The following ZNF585A variants were observed in gnomAD, a reference collection of about 807,000 sequenced individuals.
ZNF585A encodes zinc finger protein 585A.
ZNF585A carries 9 observed loss-of-function variants against 14.9 expected under a neutral mutation model. The ratio of observed to expected loss-of-function variants is 0.60; its 90% confidence interval spans 0.36 to 1.05. ZNF585A has a LOEUF of 1.05. Ranked by LOEUF, ZNF585A falls within the 50% of genes least tolerant of loss-of-function variation. The probability of loss-of-function intolerance (pLI) is 0.01; values close to 1 mark genes in which losing one functional copy is unlikely to be tolerated. For missense variants in ZNF585A, 726 were observed against 926.4 expected (o/e 0.78, Z 2.81); for synonymous variants, 276 against 319.9 (o/e 0.86, Z 1.46).
At position 37,152,645 on chromosome 19, in the gene ZNF585A, G is replaced by C; in HGVS notation, c.1254C>G (p.Ala418=). The C allele has an allele frequency of 6.2e-7, 1 of 1,614,004 alleles. No individual in the cohort carries two copies. The highest frequency in any genetic ancestry group is 8.5e-7 in the Non-Finnish European group (1 of 1,179,944). ...KSYICMKCGL[A]FIQKAHLIAH... is the part of the protein sequence containing the mutation. ...CAATCAAGTGTGCCTTCTGAATGAAGGCCAGTCCACATTTCATGCATATAT... is the reference window on the plus strand; with the variant it reads ...CAATCAAGTGTGCCTTCTGAATGAACGCCAGTCCACATTTCATGCATATAT... The change falls in exon 5 of 5, where the codon GCC becomes GCG. Residue 418 remains alanine, a synonymous_variant. Transcript: ENST00000292841.
chr19:37,162,613 G>T (rs969516234), intron 2 of ZNF585A, among the ~76,000 whole-genome samples: 14 of 152,130 alleles, frequency 9.2e-5, no homozygotes, highest in African/African-American at 2.7e-4. Flanking sequence ...AGAAAATGTG[G>T]TGTCTATATA....
At chr19:37,167,549 T>A (rs1006057200) in intron 2 of ZNF585A, among the ~76,000 whole-genome samples, 1 of 152,198 alleles carries the variant, frequency 6.6e-6, no homozygotes, top group Non-Finnish European at 1.5e-5. Context: ...TTTAGTGACA[T>A]GAAGTACATT....
chr19:37,163,207 A>C (rs1972036761), intron 2 of ZNF585A, among the ~76,000 whole-genome samples: 1 of 152,106 alleles, frequency 6.6e-6, no homozygotes. Context: ...AAATCTCCTC[A>C]TTCAAAGACA....
In ZNF585A at chr19:37,151,619, C is replaced by A; in HGVS notation, c.2280G>T (p.Val760=). ...ICGKGFVQKS[V]FSVHQSSHA is the part of the protein sequence containing the mutation. ...CGTGGCTGCTCTGATGGACGCTGAA[C>A]ACTGATTTCTGAACGAAGCCTTTCC... Residue 760 remains valine (V), a synonymous_variant, in exon 5 of 5, where the codon GTG becomes GTT. Coordinates refer to ENST00000292841, the MANE Select transcript of ZNF585A (RefSeq NM_001288800.2). The A allele has an allele frequency of 6.2e-7, 1 of 1,613,854 alleles. No homozygotes were observed. Among genetic ancestry groups the A allele is most frequent in the Non-Finnish European group, 8.5e-7 (1 of 1,179,816 alleles).
chr19:37,169,747 G>C, intron 2 of ZNF585A, 92 bp downstream of exon 2: 2 of 1,498,694 alleles, frequency 1.3e-6, no homozygotes, highest in South Asian at 2.3e-5. Flanking sequence ...CTGTGGCCCA[G>C]CTCCCTCCCT....
At chr19:37,168,034 T>C (rs956022967) in intron 2 of ZNF585A, among the ~76,000 whole-genome samples, 4 of 152,224 alleles carry the variant, frequency 2.6e-5, no homozygotes, top group Non-Finnish European at 5.9e-5. Context: ...AAATGGCCAA[T>C]GGCATATTTA....
chr19:37,155,173 T>C (rs932545503), intron 4 of ZNF585A, among the ~76,000 whole-genome samples: 105 of 151,616 alleles, frequency 6.9e-4, no homozygotes, highest in African/African-American at 2.4e-3. Context: ...GCTAATTTTT[T>C]GTATTTTTAG....
At chr19:37,153,999 TC>T (rs1347722056) in intron 4 of ZNF585A, among the ~76,000 whole-genome samples, 1 of 152,198 alleles carries the variant, frequency 6.6e-6, no homozygotes, top group East Asian at 1.9e-4. Context: ...CTTCAGAGAT[TC>T]CGTGCTATAA....
intron 1 of ZNF585A, chr19:37,172,393 A>G (rs987493476): frequency 1.3e-5 from 2 of 152,162 alleles, no homozygotes; most frequent in East Asian, 3.9e-4. Flanking sequence ...GATCACCATA[A>G]CTGACCCTAC....
rs1295754655 is a variant in ZNF585A at position 37,151,077 on chromosome 19, G to A, written c.*512C>T. On this transcript the variant is annotated 3_prime_UTR_variant, in exon 5 of 5. Transcript: ENST00000292841. ...TTGATAGAAATACTGAATGAGGGTT[G>A]GATATGACCAACTGTGGTAGATTCG... 3 of 321,470 alleles carry A rather than the reference G, an allele frequency of 9.3e-6. No homozygotes were observed. Among genetic ancestry groups the A allele is most frequent in the Non-Finnish European group, 1.7e-5 (3 of 178,154 alleles). The allele number at this position is 321,470 out of a possible 1,614,324, so 19.9% of individuals were successfully genotyped here. A position where few individuals can be genotyped will look rare whatever the true frequency, so the allele number is the denominator to read the frequency against.
chr19:37,161,334 A>C (rs1295432227), intron 2 of ZNF585A, among the ~76,000 whole-genome samples: 6 of 152,188 alleles, frequency 3.9e-5, no homozygotes, highest in African/African-American at 1.4e-4. Context: ...ATATTTTCTA[A>C]CTCCTTATGA....
rs770628516 is a variant in ZNF585A at position 37,152,799 on chromosome 19, G to C, written c.1100C>G (p.Ser367Ter). 1.5e-5 allele frequency: 25 copies of C among 1,614,030 alleles called. No homozygotes were observed. Among genetic ancestry groups the C allele is most frequent in the Non-Finnish European group, 1.4e-5 (16 of 1,180,012 alleles). ...TECGKAFTYRSELIIHQRIHT... is the reference protein window; with the variant it reads ...TECGKAFTYR The stretch of plus-strand genomic sequence containing the variant: ...AATTCTCTGATGAATAATCAACTCT[G>C]ACCTGTAGGTAAAGGCCTTCCCACA... Residue 367 changes from serine to a stop codon, truncating the protein, a stop_gained, in exon 5 of 5, where the codon TCA becomes TGA. Coordinates refer to ENST00000292841, the MANE Select transcript of ZNF585A (RefSeq NM_001288800.2). LOFTEE classifies it low-confidence loss of function (END_TRUNC).
chr19:37,157,330 T>C (rs945002673), intron 2 of ZNF585A, among the ~76,000 whole-genome samples: 1 of 152,236 alleles, frequency 6.6e-6, no homozygotes, highest in African/African-American at 2.4e-5. Flanking sequence ...ACCTGCGATA[T>C]GCTTTCTGAT....
At chr19:37,163,149 G>A (rs1377493886) in intron 2 of ZNF585A, among the ~76,000 whole-genome samples, 1 of 151,926 alleles carries the variant, frequency 6.6e-6, no homozygotes, top group Non-Finnish European at 1.5e-5. Flanking sequence ...CTAGAATGGA[G>A]TTTTGACACC....
chr19:37,151,918 G>A lies in ZNF585A; in HGVS notation c.1981C>T (p.Pro661Ser). The A allele has an allele frequency of 1.2e-6, 2 of 1,613,076 alleles. No homozygotes were observed. Among genetic ancestry groups the A allele is most frequent in the Non-Finnish European group, 1.7e-6 (2 of 1,179,716 alleles). Residue 661 changes from proline to serine, a missense_variant, in exon 5 of 5, where the codon CCC (proline) becomes TCC (serine). Physicochemically the swap from Pro to Ser is moderately conservative, Grantham distance 74. Transcript: ENST00000292841. ...KHQKTHTGEKPYICSECGKTF... is the reference protein window; with the variant it reads ...KHQKTHTGEKSYICSECGKTF... ...TTCCCACATTCAGAACAAATGTAGGGCTTTTCTCCGGTATGAGTTTTCTGG... is the reference window on the plus strand; with the variant it reads ...TTCCCACATTCAGAACAAATGTAGGACTTTTCTCCGGTATGAGTTTTCTGG...
At chr19:37,159,139 C>T (rs1971974144) in intron 2 of ZNF585A, among the ~76,000 whole-genome samples, 1 of 151,432 alleles carries the variant, frequency 6.6e-6, no homozygotes, top group Non-Finnish European at 1.5e-5. Flanking sequence ...ATCCCAGCTA[C>T]CCAGGAGGCT....
chr19:37,156,490 A>G, intron 2 of ZNF585A, 135 bp from the exon 3 acceptor site: 1 of 1,214,402 alleles, frequency 8.2e-7, no homozygotes. Flanking sequence ...CCATTTCTCT[A>G]ATACTTTATT....
chr19:37,167,569 T>C (rs1332739046), intron 2 of ZNF585A, among the ~76,000 whole-genome samples: 1 of 151,918 alleles, frequency 6.6e-6, no homozygotes, highest in East Asian at 1.9e-4. Context: ...TCACGTTGTG[T>C]AAGAGCCTTT....
chr19:37,168,734 A>G (rs1436776657), intron 2 of ZNF585A, among the ~76,000 whole-genome samples: 4 of 152,222 alleles, frequency 2.6e-5, no homozygotes, highest in East Asian at 1.9e-4. Flanking sequence ...CAACTTACAC[A>G]TGCAACAGAA....
Sources: allele counts gnomAD v4.1 joint callset (sites outside exome capture counted in the v4.1 genomes callset), GRCh38; gene constraint gnomAD v4.1.1; transcripts MANE v1.5; gene names NCBI Gene and HGNC (gene_info 2026-07-23, HGNC 2026-07-21).